The following GRM8 variants were observed in gnomAD, a reference collection of about 807,000 sequenced individuals.
The protein encoded by GRM8 is glutamate metabotropic receptor 8.
In GRM8, 47 loss-of-function variants were observed where a neutral mutation model predicts 87.2. The ratio of observed to expected loss-of-function variants is 0.54; its 90% CI spans 0.43 to 0.69. The LOEUF (loss-of-function observed/expected upper bound fraction) is 0.69, where lower values mean the gene tolerates loss of function less well. GRM8 is among the 30% of genes least tolerant of loss of function. The probability of loss-of-function intolerance (pLI) is 0.00; values close to 1 mark genes in which losing one functional copy is unlikely to be tolerated. For synonymous variants in GRM8, 396 were observed against 404.5 expected, an observed-to-expected ratio of 0.98 and a Z score of 0.25; for missense variants, 1,019 against 1,139.2, an observed-to-expected ratio of 0.89 and a Z score of 1.52.
At chr7:127,225,531 T>C (rs949430192) in intron 2 of GRM8, among the ~76,000 whole-genome samples, 6 of 151,162 alleles carry the variant, frequency 4.0e-5, no homozygotes, top group African/African-American at 1.5e-4. Context: ...AATGATCTGA[T>C]GCAGCTAGGT....
chr7:126,461,087 C>A (rs1222752540), intron 9 of GRM8, among the ~76,000 whole-genome samples: 2 of 151,380 alleles, frequency 1.3e-5, no homozygotes, highest in African/African-American at 4.8e-5. Context: ...ATTTTGCCCC[C>A]ACCCAGATCA....
intron 8 of GRM8, among the ~76,000 whole-genome samples, chr7:126,534,870 T>C (rs1259282704): frequency 6.6e-6 from 1 of 152,204 alleles, no homozygotes; most frequent in Non-Finnish European, 1.5e-5. Flanking sequence ...GAGTAATTTT[T>C]TCACTGGTGT....
At chr7:126,858,374 G>C (rs1797863437) in intron 6 of GRM8, among the ~76,000 whole-genome samples, 1 of 151,890 alleles carries the variant, frequency 6.6e-6, no homozygotes, top group Non-Finnish European at 1.5e-5. Context: ...TCCCAAACTT[G>C]ACCTATAAGC....
chr7:126,651,538 T>G (rs1803864725), intron 7 of GRM8, among the ~76,000 whole-genome samples: 1 of 152,088 alleles, frequency 6.6e-6, no homozygotes, highest in Non-Finnish European at 1.5e-5. Context: ...CAGCAAAATT[T>G]TTGCTTCCTG....
chr7:126,573,670 C>T (rs922565124), intron 8 of GRM8, among the ~76,000 whole-genome samples: 2 of 151,816 alleles, frequency 1.3e-5, no homozygotes, highest in African/African-American at 4.8e-5. Flanking sequence ...TTGCAACGTC[C>T]GCCTCCCGGG....
chr7:127,226,007 G>T (rs963094077), intron 2 of GRM8, among the ~76,000 whole-genome samples: 1 of 151,940 alleles, frequency 6.6e-6, no homozygotes, highest in African/African-American at 2.4e-5. Flanking sequence ...CAAATATAAG[G>T]GTATTTGTAC....
chr7:127,021,766 G>C (rs1270445228), intron 3 of GRM8, among the ~76,000 whole-genome samples: 1 of 152,066 alleles, frequency 6.6e-6, no homozygotes, highest in African/African-American at 2.4e-5. Flanking sequence ...CACACAACTA[G>C]TAATAGTTAT....
intron 7 of GRM8, among the ~76,000 whole-genome samples, chr7:126,748,085 G>A (rs1256363940): frequency 6.6e-6 from 1 of 151,842 alleles, no homozygotes; most frequent in Non-Finnish European, 1.5e-5. Context: ...TTCTGTCTAT[G>A]ATAAGAAAAA....
At chr7:126,757,357 G>T (rs1014292078) in intron 7 of GRM8, among the ~76,000 whole-genome samples, 2 of 152,048 alleles carry the variant, frequency 1.3e-5, no homozygotes, top group African/African-American at 4.8e-5. Context: ...GTTTGTTTTG[G>T]TGTTCTGGAT....
chr7:127,073,729 A>C (rs1821962302), intron 3 of GRM8, among the ~76,000 whole-genome samples: 3 of 152,158 alleles, frequency 2.0e-5, no homozygotes, highest in Admixed American at 2.0e-4. Flanking sequence ...ATGAGGTGGG[A>C]GCAAGCCACC....
intron 3 of GRM8, among the ~76,000 whole-genome samples, chr7:127,101,481 G>A (rs904941142): frequency 1.3e-5 from 2 of 152,150 alleles, no homozygotes; most frequent in Non-Finnish European, 2.9e-5. Flanking sequence ...CTATCTTCAG[G>A]ATGGTGAGTT....
intron 8 of GRM8, among the ~76,000 whole-genome samples, chr7:126,562,962 A>G (rs1442314308): frequency 1.3e-5 from 2 of 152,202 alleles, no homozygotes; most frequent in East Asian, 1.9e-4. Context: ...TGACCCAAAG[A>G]TTTACTAAAG....
At chr7:127,233,695 C>G (rs1300830778) in intron 2 of GRM8, among the ~76,000 whole-genome samples, 1 of 152,180 alleles carries the variant, frequency 6.6e-6, no homozygotes, top group African/African-American at 2.4e-5. Context: ...CTGTATTACA[C>G]CAAGGAAACC....
intron 3 of GRM8, among the ~76,000 whole-genome samples, chr7:127,032,789 T>C (rs1048659692): frequency 2.0e-5 from 3 of 152,174 alleles, no homozygotes; most frequent in Non-Finnish European, 4.4e-5. Context: ...ACTAACAGCT[T>C]GTGGTTTTTT....
intron 2 of GRM8, among the ~76,000 whole-genome samples, chr7:127,174,173 C>T (rs932770157): frequency 6.6e-6 from 1 of 152,104 alleles, no homozygotes; most frequent in Non-Finnish European, 1.5e-5. Context: ...ACAAGATGTA[C>T]GTAATGTCCT....
At chr7:126,581,651 T>C (rs548192000) in intron 8 of GRM8, among the ~76,000 whole-genome samples, 2 of 152,208 alleles carry the variant, frequency 1.3e-5, no homozygotes, top group South Asian at 4.2e-4. Flanking sequence ...ACTTCACTGA[T>C]AGCATGTTTT....
intron 2 of GRM8, among the ~76,000 whole-genome samples, chr7:127,152,947 T>C (rs538040459): frequency 6.6e-6 from 1 of 152,258 alleles, no homozygotes; most frequent in Non-Finnish European, 1.5e-5. Context: ...AATTAGTCAA[T>C]CTTATTTGCA....
rs1342393953 is a variant in GRM8 at position 126,533,643 on chromosome 7, T to A, written c.1739A>T (p.His580Leu). The A allele has an allele frequency of 1.2e-6, 2 of 1,613,888 alleles. No individual in the cohort carries two copies. The highest frequency in any genetic ancestry group is 3.3e-5 in the Admixed American group (2 of 59,994). ...QLIPIIKLEW[H>L]SPWAVVPVFV... ...CACAGGCACCACAGCCCAGGGAGAA[T>A]GCCACTCCAATTTGATGATGGGGAT... is the stretch of plus-strand genomic sequence containing the variant. The change falls in exon 9 of 11, where the codon CAT (histidine) becomes CTT (leucine). Residue 580 changes from histidine to leucine, a missense_variant. Physicochemically the swap from His to Leu is moderately conservative, Grantham distance 99 (BLOSUM62 -3). Transcript: ENST00000339582.
At chr7:126,546,112 CAT>C (rs1412625918) in intron 8 of GRM8, among the ~76,000 whole-genome samples, 1 of 152,072 alleles carries the variant, frequency 6.6e-6, no homozygotes, top group Non-Finnish European at 1.5e-5. Flanking sequence ...ACAAACAAAA[CAT>C]AAAGATGATA....
Sources: gnomAD v4.1 joint callset for allele counts (sites outside exome capture counted in the v4.1 genomes callset) on GRCh38, gnomAD v4.1.1 for gene constraint, MANE v1.5 for transcripts, NCBI Gene and HGNC (gene_info 2026-07-23, HGNC 2026-07-21) for gene names.